Variants in JMJD1C observed in about 807,000 individuals in gnomAD.
JMJD1C encodes the protein jumonji domain containing 1C, also known as jumonji domain-containing protein 1C.
JMJD1C carries 31 observed loss-of-function variants against 245.3 expected under a neutral mutation model. The observed-to-expected ratio is 0.13, with a 90% CI of 0.09 to 0.17. JMJD1C has a LOEUF of 0.17. Ranked by LOEUF, JMJD1C falls within the 10% of genes least tolerant of loss-of-function variation. JMJD1C has a pLI of 1.00. For synonymous variants in JMJD1C, 1,057 were observed against 1,017.4 expected, an observed-to-expected ratio of 1.04 and a Z score of -0.74; for missense variants, 2,691 against 3,000.2, an observed-to-expected ratio of 0.90 and a Z score of 2.41.
At position 63,173,287 on chromosome 10, in the gene JMJD1C, C is replaced by A. The variant is rs971294476; in HGVS notation, c.7401+3010G>T. Among the ~76,000 whole-genome samples, 9 of 152,224 alleles carry A rather than the reference C, an allele frequency of 5.9e-5. No homozygotes were observed. In the East Asian group the frequency reaches 1.7e-3, roughly 29 times the overall value. On this transcript the variant is annotated intron_variant, in intron 24 of 25. Transcript: ENST00000399262. ...ACAAAGATGAACTACATTGCATACC[C>A]AAATGTAGGACCTCAAACTATAATG...
intron 1 of JMJD1C, among the ~76,000 whole-genome samples, chr10:63,464,552 ATG>A (rs1450850203): frequency 6.6e-6 from 1 of 152,176 alleles, no homozygotes; most frequent in Non-Finnish European, 1.5e-5. Flanking sequence ...AGTCTAGTCC[ATG>A]TCTTGTCTCT....
chr10:63,378,627 T>C (rs1309815959), intron 2 of JMJD1C, among the ~76,000 whole-genome samples: 1 of 152,180 alleles, frequency 6.6e-6, no homozygotes, highest in African/African-American at 2.4e-5. Context: ...TCTAAAGCTT[T>C]ATTAATTTTT....
At chr10:63,316,580 T>G (rs550924098) in intron 2 of JMJD1C, among the ~76,000 whole-genome samples, 4 of 152,274 alleles carry the variant, frequency 2.6e-5, no homozygotes, top group African/African-American at 9.6e-5. Flanking sequence ...CCCAAGTAGC[T>G]GAGATCCCAG....
At chr10:63,277,549 A>T (rs1433592780) in intron 2 of JMJD1C, among the ~76,000 whole-genome samples, 1 of 152,122 alleles carries the variant, frequency 6.6e-6, no homozygotes, top group African/African-American at 2.4e-5. Flanking sequence ...AGATTCTCAG[A>T]ATAACTAGCT....
intron 20 of JMJD1C, among the ~76,000 whole-genome samples, chr10:63,185,171 C>T (rs1843982567): frequency 6.6e-6 from 1 of 152,212 alleles, no homozygotes; most frequent in African/African-American, 2.4e-5. Context: ...CACTCTGTCA[C>T]CCAGGCTGGA....
intron 1 of JMJD1C, among the ~76,000 whole-genome samples, chr10:63,426,114 A>G (rs1291835458): frequency 6.6e-6 from 1 of 152,062 alleles, no homozygotes; most frequent in Non-Finnish European, 1.5e-5. Context: ...GTGGCTCACG[A>G]TTGTAATTCC....
intron 1 of JMJD1C, among the ~76,000 whole-genome samples, chr10:63,435,622 G>A (rs923996980): frequency 3.3e-5 from 5 of 152,048 alleles, no homozygotes; most frequent in African/African-American, 4.8e-5. Flanking sequence ...TGACAATGCC[G>A]GGCGCAGTGG....
rs755883314 is a variant in JMJD1C, at chr10:63,190,945, C to T, written c.6240G>A (p.Gly2080=). Residue 2080 remains glycine (G), a synonymous_variant, in exon 17 of 26, where the codon GGG becomes GGA. Transcript: ENST00000399262. ...LTTTAGKLRV[G]STDAGIAFAP... is the part of the protein sequence containing the mutation. ...CAAAGGCAATGCCAGCATCTGTAGA[C>T]CCCACACGTAGCTTTCCAGCTGTTG... 7.4e-6 allele frequency: 12 copies of T among 1,614,088 alleles called. No individual in the cohort carries two copies. In the South Asian group the frequency reaches 9.9e-5, roughly 13 times the overall value.
intron 2 of JMJD1C, among the ~76,000 whole-genome samples, chr10:63,355,756 GGTAATGTGTGCTCAT>G (rs1477750098): frequency 6.6e-6 from 1 of 151,638 alleles, no homozygotes; most frequent in Non-Finnish European, 1.5e-5. Context: ...AAAAAAAAAA[GGTAATGTGTGCTCAT>G]GTGCATTTAT....
intron 1 of JMJD1C, among the ~76,000 whole-genome samples, chr10:63,520,505 CAA>C (rs34697427): frequency 9.3e-4 from 103 of 111,318 alleles, no homozygotes; most frequent in Middle Eastern, 8.9e-3. Context: ...GGTACTGTCA[CAA>C]AAAAAAAAAA....
chr10:63,263,931 C>T (rs1486970113), intron 3 of JMJD1C, among the ~76,000 whole-genome samples: 1 of 111,056 alleles, frequency 9.0e-6, no homozygotes, highest in Non-Finnish European at 1.8e-5. Flanking sequence ...GACTCCATCA[C>T]GGAAAAAAAA....
chr10:63,368,517 T>A (rs7909692), intron 2 of JMJD1C, among the ~76,000 whole-genome samples: 101,582 of 151,958 alleles, frequency 0.67, 36,432 homozygotes, highest in Non-Finnish European at 0.81. Context: ...CTATCCATGA[T>A]AATATCCAGC....
At chr10:63,429,134 C>T (rs1191325821) in intron 1 of JMJD1C, among the ~76,000 whole-genome samples, 2 of 152,134 alleles carry the variant, frequency 1.3e-5, no homozygotes, top group African/African-American at 4.8e-5. Flanking sequence ...ACATGCACAA[C>T]CACACCTGCC....
chr10:63,277,731 C>CTTTTTTTTTTTTTTT lies in JMJD1C; in HGVS notation c.334-12982_334-12968dup, dbSNP rs35442695. On this transcript the variant is annotated intron_variant, in intron 2 of 25. Coordinates refer to ENST00000399262, the MANE Select transcript of JMJD1C (RefSeq NM_032776.3). ...TATTCATTGAGAGTAATTTGCATTT[C>CTTTTTTTTTTTTTTT]TTTTTTTTTTTTTTTTTTTTTTTTG... Among the ~76,000 whole-genome samples, 321 of 64,276 alleles carry CTTTTTTTTTTTTTTT rather than the reference C, an allele frequency of 5.0e-3. 35 individuals carry two copies. Among genetic ancestry groups the CTTTTTTTTTTTTTTT allele is most frequent in the East Asian group, 0.011 (20 of 1,746 alleles). 42.2% of individuals were successfully genotyped at this position (64,276 alleles called of 152,430 possible). A position where few individuals can be genotyped will look rare whatever the true frequency, so the allele number is the denominator to read the frequency against.
At chr10:63,441,796 T>A (rs915231420) in intron 1 of JMJD1C, among the ~76,000 whole-genome samples, 1 of 152,220 alleles carries the variant, frequency 6.6e-6, no homozygotes, top group Non-Finnish European at 1.5e-5. Context: ...ATTCTCATTA[T>A]TCAATCACTT....
At chr10:63,396,421 TCTC>T (rs1239257729) in intron 1 of JMJD1C, among the ~76,000 whole-genome samples, 3 of 152,098 alleles carry the variant, frequency 2.0e-5, no homozygotes, top group African/African-American at 4.8e-5. Context: ...CACCTCCACC[TCTC>T]CTTTTTTATT....
At chr10:63,252,125 A>G (rs747496548) in intron 3 of JMJD1C, among the ~76,000 whole-genome samples, 1 of 152,260 alleles carries the variant, frequency 6.6e-6, no homozygotes, top group Non-Finnish European at 1.5e-5. Flanking sequence ...GATATCCATT[A>G]ATGAATGAGA....
intron 2 of JMJD1C, among the ~76,000 whole-genome samples, chr10:63,297,459 A>G (rs560026377): frequency 1.2e-4 from 18 of 152,016 alleles, no homozygotes; most frequent in Non-Finnish European, 2.1e-4. Flanking sequence ...TGTCTTGCTC[A>G]CCCTCCAGTT....
At chr10:63,431,668 G>A (rs1950755737) in intron 1 of JMJD1C, among the ~76,000 whole-genome samples, 1 of 152,216 alleles carries the variant, frequency 6.6e-6, no homozygotes, top group South Asian at 2.1e-4. Flanking sequence ...GGCAAACTAA[G>A]GTGATATTGT....
Sources: allele counts gnomAD v4.1 joint callset (sites outside exome capture counted in the v4.1 genomes callset), GRCh38; gene constraint gnomAD v4.1.1; transcripts MANE v1.5; gene names NCBI Gene and HGNC (gene_info 2026-07-23, HGNC 2026-07-21).